The following SPHKAP variants were observed in gnomAD, a reference collection of about 807,000 sequenced individuals.
SPHKAP encodes the protein SPHK1 interactor, AKAP domain containing, also known as A-kinase anchor protein SPHKAP.
Under a neutral mutation model 137.5 loss-of-function variants are expected in SPHKAP, and 67 were observed. The ratio of observed to expected loss-of-function variants is 0.49; its 90% CI spans 0.40 to 0.60. SPHKAP has a LOEUF of 0.60. SPHKAP is among the 20% of genes least tolerant of loss of function. The probability of loss-of-function intolerance (pLI) is 0.00; values close to 1 mark genes in which losing one functional copy is unlikely to be tolerated. For missense variants in SPHKAP, 2,097 were observed against 2,069.3 expected, an observed-to-expected ratio of 1.01 and a Z score of -0.26; for synonymous variants, 813 against 785.3, an observed-to-expected ratio of 1.04 and a Z score of -0.59.
At chr2:228,109,691 C>T (rs993936457) in intron 2 of SPHKAP, among the ~76,000 whole-genome samples, 4 of 152,038 alleles carry the variant, frequency 2.6e-5, no homozygotes, top group Admixed American at 6.6e-5. Context: ...ATTGGCTGGG[C>T]GTGGTGGGTT....
At chr2:228,028,154 A>T (rs1695132045) in intron 3 of SPHKAP, 2 of 668,162 alleles carry the variant, frequency 3.0e-6, no homozygotes. Flanking sequence ...CTTCAAGTTT[A>T]TAAGGTGTTA....
chr2:228,154,532 A>ATATATATAT (rs1264773949), intron 1 of SPHKAP, among the ~76,000 whole-genome samples: 1 of 29,406 alleles, frequency 3.4e-5, no homozygotes, highest in Non-Finnish European at 5.8e-5. Context: ...ATATATATAT[A>ATATATATAT]TTTTTTTTTT....
At chr2:228,058,941 A>C (rs927730851) in intron 3 of SPHKAP, among the ~76,000 whole-genome samples, 1 of 152,206 alleles carries the variant, frequency 6.6e-6, no homozygotes, top group African/African-American at 2.4e-5. Context: ...CTTGCCTTTC[A>C]TAGGCAGACC....
At chr2:228,110,862 T>C (rs1698496513) in intron 2 of SPHKAP, among the ~76,000 whole-genome samples, 2 of 152,192 alleles carry the variant, frequency 1.3e-5, no homozygotes, top group Admixed American at 6.5e-5. Context: ...ATATGTTATA[T>C]AGGATAATGT....
rs373176848 is a variant in SPHKAP, at chr2:228,167,023, A to T, written c.32+14544T>A. On this transcript the variant is annotated intron_variant, in intron 1 of 11. Transcript: ENST00000392056. ...TGGGAGAACTCACTATCACGAGGAC[A>T]GCACCAAGAGGATGGTGCTAAACCA... Among the ~76,000 whole-genome samples the T allele has an allele frequency of 3.3e-5, 5 of 152,166 alleles. No homozygotes were observed. The East Asian group carries it at 7.7e-4, about 23-fold the overall frequency.
intron 1 of SPHKAP, among the ~76,000 whole-genome samples, chr2:228,171,544 T>C (rs551544464): frequency 3.7e-4 from 56 of 152,308 alleles, no homozygotes; most frequent in African/African-American, 1.3e-3. Context: ...TTATGTCAAA[T>C]TCTCCTAAGA....
chr2:228,155,225 T>C (rs1700074652), intron 1 of SPHKAP, among the ~76,000 whole-genome samples: 1 of 143,006 alleles, frequency 7.0e-6, no homozygotes, highest in African/African-American at 2.7e-5. Context: ...CCATTGTTCA[T>C]TTTTTTTTTT....
intron 3 of SPHKAP, among the ~76,000 whole-genome samples, chr2:228,043,452 G>A (rs1053550266): frequency 9.2e-5 from 14 of 152,010 alleles, no homozygotes; most frequent in Admixed American, 2.6e-4. Context: ...TCAGCCTCCC[G>A]AGTAGCTGGG....
intron 3 of SPHKAP, among the ~76,000 whole-genome samples, chr2:228,062,265 C>T (rs1367423665): frequency 1.3e-5 from 2 of 151,646 alleles, no homozygotes; most frequent in African/African-American, 4.8e-5. Context: ...GATGGGACTA[C>T]AGGGGGGTGC....
intron 1 of SPHKAP, among the ~76,000 whole-genome samples, chr2:228,144,514 T>A (rs983878143): frequency 2.6e-5 from 4 of 152,086 alleles, no homozygotes; most frequent in African/African-American, 9.7e-5. Context: ...CTTTGGATAA[T>A]GTAGCTATTT....
At chr2:228,059,983 T>C (rs1305178180) in intron 3 of SPHKAP, among the ~76,000 whole-genome samples, 1 of 152,160 alleles carries the variant, frequency 6.6e-6, no homozygotes, top group Non-Finnish European at 1.5e-5. Context: ...TACACACAGA[T>C]GAGGACATTG....
At chr2:228,059,726 A>G (rs1217154957) in intron 3 of SPHKAP, among the ~76,000 whole-genome samples, 1 of 152,238 alleles carries the variant, frequency 6.6e-6, no homozygotes. Context: ...TTACCAATAA[A>G]GAATAATGTT....
intron 7 of SPHKAP, among the ~76,000 whole-genome samples, chr2:228,010,324 C>T (rs1694319047): frequency 6.6e-6 from 1 of 152,054 alleles, no homozygotes; most frequent in Non-Finnish European, 1.5e-5. Context: ...GTCAGGAGTT[C>T]AAGACCAGCC....
At chr2:228,069,216 G>A (rs1469060290) in intron 3 of SPHKAP, among the ~76,000 whole-genome samples, 12 of 152,120 alleles carry the variant, frequency 7.9e-5, no homozygotes, top group Admixed American at 2.6e-4. Context: ...TCTGTGAGCC[G>A]AGATCGTGCC....
At chr2:228,155,897 C>G (rs190834024) in intron 1 of SPHKAP, among the ~76,000 whole-genome samples, 1 of 152,168 alleles carries the variant, frequency 6.6e-6, no homozygotes, top group Non-Finnish European at 1.5e-5. Context: ...GAGGACAAAG[C>G]AAAATCTCAA....
intron 3 of SPHKAP, among the ~76,000 whole-genome samples, chr2:228,048,847 G>T (rs1324146443): frequency 6.6e-6 from 1 of 152,136 alleles, no homozygotes; most frequent in African/African-American, 2.4e-5. Flanking sequence ...TATTGGGGTT[G>T]TTTTTTCTTG....
chr2:228,175,724 A>T (rs919556867), intron 1 of SPHKAP, among the ~76,000 whole-genome samples: 1 of 152,208 alleles, frequency 6.6e-6, no homozygotes, highest in Non-Finnish European at 1.5e-5. Context: ...CATCAATTAA[A>T]AAAAGAGATT....
At chr2:228,038,554 G>C (rs772704486) in intron 3 of SPHKAP, among the ~76,000 whole-genome samples, 1 of 152,170 alleles carries the variant, frequency 6.6e-6, no homozygotes, top group African/African-American at 2.4e-5. Flanking sequence ...TGCATTCTCT[G>C]TAAAATGCCT....
At chr2:228,030,547 A>AC (rs1406112864) in intron 3 of SPHKAP, among the ~76,000 whole-genome samples, 25 of 103,010 alleles carry the variant, frequency 2.4e-4, no homozygotes, top group South Asian at 1.0e-3. Context: ...AAAAAACAAA[A>AC]AAAAAAAAAT....
Sources: gnomAD v4.1 joint callset for allele counts (sites outside exome capture counted in the v4.1 genomes callset) on GRCh38, gnomAD v4.1.1 for gene constraint, MANE v1.5 for transcripts, NCBI Gene and HGNC (gene_info 2026-07-23, HGNC 2026-07-21) for gene names.